The following MDN1 variants were observed in gnomAD, a reference collection of about 807,000 sequenced individuals.
MDN1 encodes the protein midasin.
A neutral mutation model predicts 669.2 loss-of-function variants in MDN1; 266 were observed. The ratio of observed to expected loss-of-function variants is 0.40; its 90% confidence interval spans 0.36 to 0.44. The LOEUF (loss-of-function observed/expected upper bound fraction) is 0.44, where lower values mean the gene tolerates loss of function less well. Ranked by LOEUF, MDN1 falls within the 20% of genes least tolerant of loss-of-function variation. The probability of loss-of-function intolerance (pLI) is 1.00; values close to 1 mark genes in which losing one functional copy is unlikely to be tolerated. For synonymous variants in MDN1, 2,385 were observed against 2,457.1 expected, an observed-to-expected ratio of 0.97 and a Z score of 0.87; for missense variants, 5,940 against 6,754.0, an observed-to-expected ratio of 0.88 and a Z score of 4.22.
chr6:89,803,890 C>CTTTT (rs370234875), intron 1 of MDN1, among the ~76,000 whole-genome samples: 2 of 93,224 alleles, frequency 2.1e-5, no homozygotes, highest in African/African-American at 8.2e-5. Context: ...CTTTTCTTTT[C>CTTTT]TTTTCTTTTT....
chr6:89,751,621 T>C (rs1193126929), intron 22 of MDN1, 39 bp from the exon 23 acceptor site: 1 of 1,592,580 alleles, frequency 6.3e-7, no homozygotes, highest in Non-Finnish European at 8.6e-7. Context: ...CCCACAGTTG[T>C]ACATTCTTTC....
At chr6:89,735,709 G>A (rs1815927496) in intron 33 of MDN1, among the ~76,000 whole-genome samples, 1 of 152,102 alleles carries the variant, frequency 6.6e-6, no homozygotes, top group Admixed American at 6.6e-5. Flanking sequence ...ATTCAATTTA[G>A]AAGGACACTA....
chr6:89,654,518 T>C (rs1809110298), intron 92 of MDN1, among the ~76,000 whole-genome samples, 184 bp from the exon 93 acceptor site: 1 of 152,128 alleles, frequency 6.6e-6, no homozygotes, highest in South Asian at 2.1e-4. Context: ...CCTATTGACA[T>C]AATGAACTGC....
intron 31 of MDN1, among the ~76,000 whole-genome samples, chr6:89,741,109 G>A (rs966367816): frequency 6.6e-6 from 1 of 152,190 alleles, no homozygotes; most frequent in African/African-American, 2.4e-5. Flanking sequence ...GCTCACGCCT[G>A]TAATCCCAGC....
At chr6:89,765,319 C>T (rs1447391396) in intron 15 of MDN1, among the ~76,000 whole-genome samples, 1 of 151,852 alleles carries the variant, frequency 6.6e-6, no homozygotes, top group African/African-American at 2.4e-5. Flanking sequence ...ATTGTAACTC[C>T]TAAACAAAAA....
intron 22 of MDN1, among the ~76,000 whole-genome samples, chr6:89,753,212 A>ATTTTACAAT (rs1370793438): frequency 6.6e-6 from 1 of 152,192 alleles, no homozygotes; most frequent in Non-Finnish European, 1.5e-5. Flanking sequence ...ATTTTTTACA[A>ATTTTACAAT]TTTTACAATT....
intron 96 of MDN1, 61 bp downstream of exon 96, chr6:89,650,671 G>T (rs1197867185): frequency 2.3e-6 from 3 of 1,324,888 alleles, no homozygotes; most frequent in Non-Finnish European, 3.2e-6. Context: ...GCGTTCAACA[G>T]AATCAATGAA....
chr6:89,790,038 T>C (rs1562221893), intron 6 of MDN1, 121 bp downstream of exon 6: 9 of 1,580,864 alleles, frequency 5.7e-6, no homozygotes, highest in Middle Eastern at 3.4e-4. Flanking sequence ...TTACATAGGT[T>C]GGCCCCAACA....
At position 89,772,652 on chromosome 6, in the gene MDN1, G is replaced by C; in HGVS notation, c.2004C>G (p.Ser668Arg). ...CCACCAGCAACACAGGCTCCCCTTT[G>C]CTGACACACACTGCAAGCTGCTCGA... ...VLIEQLAVCVSKGEPVLLVGE... is the reference protein window; with the variant it reads ...VLIEQLAVCVRKGEPVLLVGE... The change falls in exon 14 of 102, where the codon AGC (serine) becomes AGG (arginine). Residue 668 changes from serine to arginine, a missense_variant. Physicochemically the swap from Ser to Arg is moderately radical, Grantham distance 110 (BLOSUM62 -1). This residue lies in a region of MDN1 where 1,203 missense variants were observed against 1,268.9 expected (regional missense o/e 0.95). Transcript: ENST00000369393. 2 of 1,614,132 alleles carry C rather than the reference G, an allele frequency of 1.2e-6. No homozygotes were observed. The highest frequency in any genetic ancestry group is 1.7e-6 in the Non-Finnish European group (2 of 1,180,012).
intron 1 of MDN1, chr6:89,815,037 G>A: frequency 1.9e-6 from 1 of 516,556 alleles, no homozygotes; most frequent in Middle Eastern, 6.9e-4. Context: ...CCAGGAGGAG[G>A]AAGAAAGGGG....
chr6:89,753,448 C>T, intron 22 of MDN1, 64 bp downstream of exon 22: 1 of 1,182,446 alleles, frequency 8.5e-7, no homozygotes, highest in Non-Finnish European at 1.2e-6. Context: ...AAAAACCAAA[C>T]AGCTGAAAAT....
chr6:89,706,288 T>A, intron 52 of MDN1, 96 bp from the exon 53 acceptor site: 2 of 1,319,354 alleles, frequency 1.5e-6, no homozygotes, highest in Non-Finnish European at 2.0e-6. Context: ...ATTTAAATGT[T>A]ATCCCCAGTA....
In MDN1 at chr6:89,663,104, G is replaced by A. The variant is rs1377495852; in HGVS notation, c.14237-137C>T. On this transcript the variant is annotated intron_variant, in intron 85 of 101. Transcript: ENST00000369393. ...CCTTTTTCTACAGAACACACCCTAC[G>A]GGCAGATGCCTTTAGATCTACTGAC... The A allele has an allele frequency of 3.0e-5, 26 of 878,624 alleles. No individual in the cohort carries two copies. In the Middle Eastern group the frequency reaches 1.5e-3, roughly 52 times the overall value. 54.4% of individuals were successfully genotyped at this position (878,624 alleles called of 1,614,324 possible).
intron 71 of MDN1, 32 bp downstream of exon 71, chr6:89,684,844 C>G (rs371405894): frequency 1.4e-6 from 2 of 1,406,962 alleles, no homozygotes; most frequent in Admixed American, 1.7e-5. Flanking sequence ...TTTTGTCCTC[C>G]CAAGAGTGAT....
At chr6:89,658,460 T>C in intron 89 of MDN1, 90 bp from the exon 90 acceptor site, 2 of 1,563,198 alleles carry the variant, frequency 1.3e-6, no homozygotes, top group South Asian at 1.2e-5. Flanking sequence ...TCCCCACTCC[T>C]CACTAAGGGT....
intron 13 of MDN1, among the ~76,000 whole-genome samples, 196 bp downstream of exon 13, chr6:89,774,423 CTT>C (rs1396531409): frequency 5.3e-5 from 8 of 152,152 alleles, no homozygotes; most frequent in African/African-American, 1.7e-4. Flanking sequence ...TCTTTAATGA[CTT>C]TCATCACCTC....
In MDN1 at chr6:89,695,363, C is replaced by G. The variant is rs1374358298; in HGVS notation, c.9771+242G>C. 6.6e-6 allele frequency among the ~76,000 whole-genome samples: 1 copy of G among 152,164 alleles called. No homozygotes were observed. The highest frequency in any genetic ancestry group is 2.1e-4 in the South Asian group (1 of 4,832). On this transcript the variant is annotated intron_variant, in intron 61 of 101. Coordinates refer to ENST00000369393, the MANE Select transcript of MDN1 (RefSeq NM_014611.3). This position sits in a 1 kb window ranked among gnomAD's most constrained non-coding sequence, Gnocchi z 4.1. Reference sequence around the variant, plus strand: ...TCTACCTGCCCTCTGCCCATTGCACCTATTGGCAGAGATCTCAGAACCTTA... The same window carrying G: ...TCTACCTGCCCTCTGCCCATTGCACGTATTGGCAGAGATCTCAGAACCTTA...
At chr6:89,684,686 C>A (rs1811884672) in intron 71 of MDN1, among the ~76,000 whole-genome samples, 190 bp downstream of exon 71, 1 of 152,218 alleles carries the variant, frequency 6.6e-6, no homozygotes, top group South Asian at 2.1e-4. Context: ...ACCAATCGCT[C>A]ACACACTCTG....
At chr6:89,673,486 T>G (rs1308356510) in intron 79 of MDN1, 24 bp from the exon 80 acceptor site, 1 of 1,603,286 alleles carries the variant, frequency 6.2e-7, no homozygotes. Context: ...GCCACAATGT[T>G]GAAAGGAATG....
Sources: gnomAD v4.1 joint callset for allele counts (sites outside exome capture counted in the v4.1 genomes callset) on GRCh38, gnomAD v4.1.1 for gene constraint, gnomAD v4.1.1 regional missense constraint, Gnocchi (gnomAD v3.1) non-coding constraint, MANE v1.5 for transcripts, NCBI Gene and HGNC (gene_info 2026-07-23, HGNC 2026-07-21) for gene names.